The following CRYBG1 variants were observed in gnomAD, a reference collection of about 807,000 sequenced individuals.
CRYBG1 encodes the protein crystallin beta-gamma domain containing 1, also known as beta/gamma crystallin domain-containing protein 1.
A neutral mutation model predicts 189.2 loss-of-function variants in CRYBG1; 139 were observed. The observed-to-expected ratio is 0.73, with a 90% CI of 0.64 to 0.85. The LOEUF is 0.85. Ranked by LOEUF, CRYBG1 falls within the 40% of genes least tolerant of loss-of-function variation. The pLI is 0.00. For missense variants in CRYBG1, 2,611 were observed against 2,675.8 expected (o/e 0.98, Z 0.53); for synonymous variants, 1,023 against 1,017.1 (o/e 1.01, Z -0.11).
chr6:106,568,416 G>C, intron 21 of CRYBG1, 56 bp from the exon 22 acceptor site: 1 of 1,372,772 alleles, frequency 7.3e-7, no homozygotes, highest in Non-Finnish European at 1.0e-6. Flanking sequence ...AATTGTGTCT[G>C]CTATAGACCC....
chr6:106,555,173 CA>C (rs1774504195), intron 16 of CRYBG1, among the ~76,000 whole-genome samples: 1 of 103,796 alleles, frequency 9.6e-6, no homozygotes, highest in Non-Finnish European at 1.9e-5. Flanking sequence ...CCCCCGCCAC[CA>C]AAAGAAAAGA....
chr6:106,400,424 T>C (rs932853318), intron 1 of CRYBG1, among the ~76,000 whole-genome samples: 1 of 152,254 alleles, frequency 6.6e-6, no homozygotes, highest in African/African-American at 2.4e-5. Context: ...TTCTTCATCT[T>C]TTCTTTTACT....
At position 106,513,040 on chromosome 6, in the gene CRYBG1, G is replaced by T. The variant is rs1773336289; in HGVS notation, c.1922+1G>T. On this transcript the variant is annotated splice_donor_variant, in intron 3 of 21. Transcript: ENST00000633556. LOFTEE classifies it high-confidence loss of function. ...CGACAGTGACCACTAAAGTGACCCT[G>T]TAAGTAGCCGCGCAAGTCCCGGCCG... 1 of 1,598,338 alleles carries T rather than the reference G, an allele frequency of 6.3e-7. No individual in the cohort carries two copies. Among genetic ancestry groups the T allele is most frequent in the Non-Finnish European group, 8.5e-7 (1 of 1,178,492 alleles).
At chr6:106,548,542 G>C (rs149930741) in intron 13 of CRYBG1, among the ~76,000 whole-genome samples, 171 of 152,198 alleles carry the variant, frequency 1.1e-3, no homozygotes, top group Admixed American at 2.9e-3. Context: ...TCTCTCCTTG[G>C]CATTCAGCCT....
chr6:106,470,534 T>G (rs1772210222), intron 2 of CRYBG1, among the ~76,000 whole-genome samples: 1 of 152,066 alleles, frequency 6.6e-6, no homozygotes, highest in Admixed American at 6.6e-5. Context: ...ATTGCACCAC[T>G]GCATTCCAGC....
chr6:106,508,051 A>G (rs783408), intron 2 of CRYBG1, among the ~76,000 whole-genome samples: 4,983 of 152,296 alleles, frequency 0.033, 246 homozygotes, highest in African/African-American at 0.11. Flanking sequence ...CTTTGATACC[A>G]GCCTGGGCAA....
chr6:106,472,812 G>C (rs778204298), intron 2 of CRYBG1, among the ~76,000 whole-genome samples: 1 of 151,270 alleles, frequency 6.6e-6, no homozygotes, highest in Admixed American at 6.6e-5. Flanking sequence ...GCTGAAGTGA[G>C]AGAATCACTT....
chr6:106,432,760 C>T (rs187176431), intron 1 of CRYBG1, among the ~76,000 whole-genome samples: 43 of 152,318 alleles, frequency 2.8e-4, no homozygotes, highest in African/African-American at 9.9e-4. Flanking sequence ...CCATTAAACC[C>T]CTGGGCTTTA....
chr6:106,517,317 C>CAT (rs1286467862), intron 3 of CRYBG1, among the ~76,000 whole-genome samples: 10 of 139,552 alleles, frequency 7.2e-5, no homozygotes, highest in Admixed American at 1.4e-4. Context: ...CACACACACA[C>CAT]ATATATATAT....
intron 1 of CRYBG1, among the ~76,000 whole-genome samples, chr6:106,363,054 G>T (rs567032052): frequency 1.7e-4 from 26 of 151,396 alleles, no homozygotes; most frequent in Middle Eastern, 3.4e-3. Context: ...GACCATCCTG[G>T]CTAACACGGT....
At chr6:106,430,975 C>T (rs1771315316) in intron 1 of CRYBG1, among the ~76,000 whole-genome samples, 1 of 152,114 alleles carries the variant, frequency 6.6e-6, no homozygotes, top group African/African-American at 2.4e-5. Flanking sequence ...GATTCTCATG[C>T]CTCAGCCTCC....
chr6:106,403,602 C>T (rs911314507), intron 1 of CRYBG1, among the ~76,000 whole-genome samples: 1 of 152,218 alleles, frequency 6.6e-6, no homozygotes, highest in African/African-American at 2.4e-5. Context: ...TATAGTGTAA[C>T]CTAGTAAAAC....
At position 106,511,941 on chromosome 6, in the gene CRYBG1, CG is replaced by C; in HGVS notation, c.829del (p.Glu277ArgfsTer17). On this transcript the variant is annotated frameshift_variant, in exon 3 of 22. Transcript: ENST00000633556. LOFTEE classifies it high-confidence loss of function. ...QENAETPARS[P>X]GEDASPGAGH... ...AACGCAGAGACGCCCGCCCGCAGTC[CG>C]GGGGAGGACGCTTCACCAGGTGCTG... 1 of 1,526,070 alleles carries C rather than the reference CG, an allele frequency of 6.6e-7. No homozygotes were observed. Among genetic ancestry groups the C allele is most frequent in the Non-Finnish European group, 8.8e-7 (1 of 1,140,862 alleles). 94.5% of individuals were successfully genotyped at this position (1,526,070 alleles called of 1,614,324 possible). A position where few individuals can be genotyped will look rare whatever the true frequency, so the allele number is the denominator to read the frequency against.
chr6:106,494,228 G>C (rs1484504387), intron 2 of CRYBG1, among the ~76,000 whole-genome samples: 1 of 152,114 alleles, frequency 6.6e-6, no homozygotes, highest in African/African-American at 2.4e-5. Context: ...GGGGTGGCAG[G>C]GGGTGGGCAG....
chr6:106,426,221 C>G (rs1027345079), intron 1 of CRYBG1, among the ~76,000 whole-genome samples: 1 of 152,172 alleles, frequency 6.6e-6, no homozygotes. Flanking sequence ...CTAAGTCAAG[C>G]CTTTCACTCG....
At chr6:106,510,347 C>G (rs1773220943) in intron 2 of CRYBG1, among the ~76,000 whole-genome samples, 1 of 152,248 alleles carries the variant, frequency 6.6e-6, no homozygotes. Context: ...AGTCCCCACT[C>G]TGGCAAACCC....
At chr6:106,446,541 A>C (rs943141770) in intron 1 of CRYBG1, among the ~76,000 whole-genome samples, 3 of 152,156 alleles carry the variant, frequency 2.0e-5, no homozygotes, top group African/African-American at 7.2e-5. Flanking sequence ...GCTACATTTT[A>C]TTATTTTGGA....
chr6:106,442,944 T>A (rs1247513423), intron 1 of CRYBG1, among the ~76,000 whole-genome samples: 1 of 152,214 alleles, frequency 6.6e-6, no homozygotes, highest in East Asian at 1.9e-4. Flanking sequence ...CTTTATTCTG[T>A]AGACAGTGCT....
At chr6:106,483,402 A>ATATATATATATATAT (rs1361096436) in intron 2 of CRYBG1, among the ~76,000 whole-genome samples, 1 of 88,432 alleles carries the variant, frequency 1.1e-5, no homozygotes, top group Admixed American at 1.3e-4. Context: ...ATATATATAT[A>ATATATATATATATAT]AAACATTTTC....
Sources: gnomAD v4.1 joint callset for allele counts (sites outside exome capture counted in the v4.1 genomes callset) on GRCh38, gnomAD v4.1.1 for gene constraint, MANE v1.5 for transcripts, NCBI Gene and HGNC (gene_info 2026-07-23, HGNC 2026-07-21) for gene names.